Variants in NDST4 observed in about 807,000 individuals in gnomAD.
The protein encoded by NDST4 is N-heparan sulfate sulfotransferase 4.
A neutral mutation model predicts 100.8 loss-of-function variants in NDST4; 63 were observed. The observed-to-expected ratio is 0.62, with a 90% CI of 0.51 to 0.77. The LOEUF is 0.77. Among genes scored for constraint, NDST4 ranks in the 30% least tolerant of loss-of-function variants. The probability of loss-of-function intolerance (pLI) is 0.00; values close to 1 mark genes in which losing one functional copy is unlikely to be tolerated. For missense variants in NDST4, 943 were observed against 1,018.4 expected (o/e 0.93, Z 1.01); for synonymous variants, 377 against 361.8 (o/e 1.04, Z -0.48).
intron 2 of NDST4, among the ~76,000 whole-genome samples, chr4:115,043,535 T>C (rs144040486): frequency 6.6e-6 from 1 of 152,148 alleles, no homozygotes; most frequent in East Asian, 1.9e-4. Flanking sequence ...TAGAGTTACA[T>C]AGAGGCATCA....
chr4:115,064,324 C>T (rs187547875), intron 2 of NDST4, among the ~76,000 whole-genome samples: 4 of 152,060 alleles, frequency 2.6e-5, no homozygotes, highest in African/African-American at 7.2e-5. Context: ...AAAATTGTTT[C>T]AATCGATCAT....
chr4:115,089,234 GTT>G (rs1729466727), intron 1 of NDST4, among the ~76,000 whole-genome samples: 1 of 151,876 alleles, frequency 6.6e-6, no homozygotes, highest in Non-Finnish European at 1.5e-5. Context: ...ATATAAAATG[GTT>G]TATATTTCTA....
intron 2 of NDST4, among the ~76,000 whole-genome samples, chr4:114,978,814 T>C (rs541380005): frequency 6.6e-6 from 1 of 152,250 alleles, no homozygotes; most frequent in South Asian, 2.1e-4. Flanking sequence ...CATCCACTTA[T>C]CTTTCTTCCT....
chr4:115,045,252 G>T (rs1218786552), intron 2 of NDST4, among the ~76,000 whole-genome samples: 2 of 151,978 alleles, frequency 1.3e-5, no homozygotes, highest in East Asian at 3.9e-4. Context: ...TTTGCCTTAG[G>T]CATGAAAAAA....
chr4:115,066,185 A>G (rs550806343), intron 2 of NDST4, among the ~76,000 whole-genome samples: 1 of 152,292 alleles, frequency 6.6e-6, no homozygotes, highest in Admixed American at 6.5e-5. Flanking sequence ...ATTTGTATGA[A>G]CTCTATAATA....
chr4:114,935,436 A>T (rs1198800550), intron 5 of NDST4, 102 bp from the exon 6 acceptor site: 4 of 1,185,454 alleles, frequency 3.4e-6, no homozygotes, highest in Middle Eastern at 2.1e-4. Flanking sequence ...TTCCTATTGG[A>T]TTTTCTTGGT....
At chr4:114,838,453 T>C (rs1338049288) in intron 11 of NDST4, among the ~76,000 whole-genome samples, 2 of 152,018 alleles carry the variant, frequency 1.3e-5, no homozygotes, top group Admixed American at 1.3e-4. Flanking sequence ...ATAAAGAAAA[T>C]ATGGCACATA....
At chr4:114,867,665 C>CAAAAAAAAAAAAAAAAG (rs1724061643) in intron 7 of NDST4, among the ~76,000 whole-genome samples, 4 of 79,896 alleles carry the variant, frequency 5.0e-5, no homozygotes, top group African/African-American at 2.0e-4. Flanking sequence ...AAAAAAAAAG[C>CAAAAAAAAAAAAAAAAG]AAAAAAAAAA....
intron 6 of NDST4, among the ~76,000 whole-genome samples, chr4:114,881,034 G>C (rs1204979249): frequency 6.6e-6 from 1 of 152,100 alleles, no homozygotes; most frequent in African/African-American, 2.4e-5. Flanking sequence ...GAAAGGAAAA[G>C]AAAGAGACCA....
intron 4 of NDST4, among the ~76,000 whole-genome samples, chr4:114,950,287 T>C (rs937387708): frequency 2.6e-5 from 4 of 152,068 alleles, no homozygotes; most frequent in South Asian, 2.1e-4. Flanking sequence ...CCGAGGTTCA[T>C]TAAGGCAGGA....
intron 2 of NDST4, among the ~76,000 whole-genome samples, chr4:114,988,145 T>C (rs975453722): frequency 6.6e-6 from 1 of 151,978 alleles, no homozygotes; most frequent in Non-Finnish European, 1.5e-5. Flanking sequence ...ACAATTATAA[T>C]TTTGATAAAT....
intron 2 of NDST4, among the ~76,000 whole-genome samples, chr4:115,019,564 T>C (rs1157354208): frequency 1.3e-5 from 2 of 152,122 alleles, no homozygotes; most frequent in Non-Finnish European, 2.9e-5. Context: ...AGGCCTAGCC[T>C]CCTGGAGAAT....
At chr4:114,887,509 A>G (rs1724504469) in intron 6 of NDST4, among the ~76,000 whole-genome samples, 1 of 152,174 alleles carries the variant, frequency 6.6e-6, no homozygotes. Flanking sequence ...ACAAGGATAA[A>G]CTGACATTCA....
intron 6 of NDST4, among the ~76,000 whole-genome samples, chr4:114,924,587 C>T (rs2126220449): frequency 6.6e-6 from 1 of 152,126 alleles, no homozygotes; most frequent in South Asian, 2.1e-4. Flanking sequence ...CCAGAGCTCC[C>T]AATAACATTA....
At chr4:115,067,337 G>C (rs953124220) in intron 2 of NDST4, among the ~76,000 whole-genome samples, 12 of 152,112 alleles carry the variant, frequency 7.9e-5, no homozygotes, top group African/African-American at 2.9e-4. Context: ...TCTGAGGTAT[G>C]AAATATTCTA....
chr4:114,874,056 A>G (rs1426601148), intron 6 of NDST4, among the ~76,000 whole-genome samples: 2 of 152,174 alleles, frequency 1.3e-5, no homozygotes, highest in Non-Finnish European at 2.9e-5. Flanking sequence ...ACTTTTCATC[A>G]TAACAATATT....
intron 7 of NDST4, among the ~76,000 whole-genome samples, chr4:114,867,666 A>AAAAAAAAAAAAAAAAAAAAAAC (rs1560786342): frequency 5.9e-5 from 1 of 16,892 alleles, no homozygotes; most frequent in Non-Finnish European, 1.3e-4. Context: ...AAAAAAAAGC[A>AAAAAAAAAAAAAAAAAAAAAAC]AAAAAAAAAA....
At chr4:114,954,891 T>C (rs1726104950) in intron 4 of NDST4, among the ~76,000 whole-genome samples, 1 of 152,114 alleles carries the variant, frequency 6.6e-6, no homozygotes, top group East Asian at 1.9e-4. Context: ...CGAACATGTG[T>C]AGCCCCTCCC....
chr4:115,097,760 G>C (rs917585375), intron 1 of NDST4, among the ~76,000 whole-genome samples: 1 of 152,052 alleles, frequency 6.6e-6, no homozygotes, highest in African/African-American at 2.4e-5. Flanking sequence ...ATTTTACTTA[G>C]AGTAACAGCC....
Sources: gnomAD v4.1 joint callset for allele counts (sites outside exome capture counted in the v4.1 genomes callset) on GRCh38, gnomAD v4.1.1 for gene constraint, MANE v1.5 for transcripts, NCBI Gene and HGNC (gene_info 2026-07-23, HGNC 2026-07-21) for gene names.